Variants in NRCAM observed in about 807,000 individuals in gnomAD.
NRCAM encodes the protein NgCAM-related cell adhesion molecule.
In NRCAM, 83 loss-of-function variants were observed where a neutral mutation model predicts 156.5. That is an observed-to-expected ratio of 0.53 (90% CI 0.44 to 0.64). The LOEUF (loss-of-function observed/expected upper bound fraction) is 0.64. NRCAM is among the 30% of genes least tolerant of loss of function. NRCAM has a pLI of 0.00. For synonymous variants in NRCAM, 538 were observed against 563.9 expected (o/e 0.95, Z 0.65); for missense variants, 1,417 against 1,597.3 (o/e 0.89, Z 1.92).
rs6466223 is a variant in NRCAM, at chr7:108,388,831, G to A, written c.-174+10605C>T. 1.7e-3 allele frequency among the ~76,000 whole-genome samples: 254 copies of A among 152,114 alleles called. 2 individuals carry two copies. Among genetic ancestry groups the A allele is most frequent in the South Asian group, 0.015 (73 of 4,820 alleles). On this transcript the variant is annotated intron_variant, in intron 2 of 32. Coordinates refer to ENST00000379028, the MANE Select transcript of NRCAM (RefSeq NM_001037132.4). ...TTAAATAGGGAATCCTTTCCCCATT[G>A]CTTGTTTTTGTCAGGTTTGTCAAAG...
intron 3 of NRCAM, among the ~76,000 whole-genome samples, chr7:108,289,343 A>C (rs1465583736): frequency 6.6e-6 from 1 of 152,192 alleles, no homozygotes; most frequent in Non-Finnish European, 1.5e-5. Flanking sequence ...TGGCTAAATC[A>C]AGCAAATTAA....
chr7:108,221,083 C>G (rs184957263), intron 11 of NRCAM, among the ~76,000 whole-genome samples: 4 of 152,084 alleles, frequency 2.6e-5, no homozygotes, highest in African/African-American at 9.7e-5. Flanking sequence ...AAATGGCCAA[C>G]AAACATGAAA....
intron 22 of NRCAM, among the ~76,000 whole-genome samples, chr7:108,183,412 C>CTATA (rs1001088587): frequency 1.3e-5 from 2 of 151,874 alleles, no homozygotes; most frequent in Non-Finnish European, 2.9e-5. Flanking sequence ...ATGTATGGCT[C>CTATA]TAAAATAGGT....
At chr7:108,172,019 G>A (rs147498569) in intron 28 of NRCAM, among the ~76,000 whole-genome samples, 224 of 152,332 alleles carry the variant, frequency 1.5e-3, no homozygotes, top group South Asian at 4.1e-3. Flanking sequence ...GTTGACCATA[G>A]TAGGCTGCAA....
chr7:108,214,144 T>C (rs913569150), intron 11 of NRCAM, among the ~76,000 whole-genome samples: 9 of 152,214 alleles, frequency 5.9e-5, no homozygotes, highest in African/African-American at 1.9e-4. Context: ...TCTTTTTCTG[T>C]TGCTTGGAAT....
At chr7:108,177,966 C>T in intron 26 of NRCAM, 24 bp downstream of exon 26, 2 of 1,570,060 alleles carry the variant, frequency 1.3e-6, no homozygotes, top group Non-Finnish European at 1.7e-6. Context: ...CATATTTCCC[C>T]TTCTCTTCCT....
Position 108,255,724 on chromosome 7 carries a change from G to A in NRCAM, c.-106-15554C>T, listed in dbSNP as rs10253018. ...CTGCCCCATCTGGGATGTGAGGAGC[G>A]CCTCTGCCCGGCCACGACCCCGTCT... On this transcript the variant is annotated intron_variant, in intron 3 of 32. Coordinates refer to ENST00000379028, the MANE Select transcript of NRCAM (RefSeq NM_001037132.4). Among the ~76,000 whole-genome samples, 1,031 of 149,916 alleles carry A rather than the reference G, an allele frequency of 6.9e-3. 11 individuals carry two copies. Among genetic ancestry groups the A allele is most frequent in the African/African-American group, 0.024 (969 of 40,204 alleles).
At chr7:108,420,457 G>T (rs1362343094) in intron 1 of NRCAM, among the ~76,000 whole-genome samples, 1 of 152,130 alleles carries the variant, frequency 6.6e-6, no homozygotes, top group Non-Finnish European at 1.5e-5. Context: ...ATAAATAGGC[G>T]AATAGATTCT....
chr7:108,368,226 C>T (rs1449984245), intron 2 of NRCAM, among the ~76,000 whole-genome samples: 1 of 92,302 alleles, frequency 1.1e-5, no homozygotes, highest in Admixed American at 1.2e-4. Context: ...ACTTTCATAC[C>T]CCCCCCCACC....
At chr7:108,217,434 A>G (rs1301421316) in intron 11 of NRCAM, among the ~76,000 whole-genome samples, 1 of 152,218 alleles carries the variant, frequency 6.6e-6, no homozygotes, top group Non-Finnish European at 1.5e-5. Flanking sequence ...CTCCCTTAGC[A>G]GAGCTCGAGC....
intron 3 of NRCAM, among the ~76,000 whole-genome samples, chr7:108,267,504 G>C (rs533437685): frequency 5.3e-5 from 8 of 152,140 alleles, no homozygotes; most frequent in African/African-American, 1.9e-4. Context: ...TTGATTACAC[G>C]TGTCCGTATA....
chr7:108,268,561 T>C (rs1371441618), intron 3 of NRCAM, among the ~76,000 whole-genome samples: 2 of 132,002 alleles, frequency 1.5e-5, no homozygotes, highest in Admixed American at 1.8e-4. Flanking sequence ...TGATAGTGTC[T>C]ACAATTCCCC....
At chr7:108,368,107 T>G (rs925082363) in intron 2 of NRCAM, among the ~76,000 whole-genome samples, 1 of 152,062 alleles carries the variant, frequency 6.6e-6, no homozygotes, top group Non-Finnish European at 1.5e-5. Flanking sequence ...CTAATAGGAT[T>G]GTTATTTTTA....
At chr7:108,418,558 TATACAC>T (rs1455287334) in intron 1 of NRCAM, among the ~76,000 whole-genome samples, 4 of 95,146 alleles carry the variant, frequency 4.2e-5, no homozygotes, top group Non-Finnish European at 8.2e-5. Flanking sequence ...GTATACATAT[TATACAC>T]ACACACACAC....
intron 32 of NRCAM, among the ~76,000 whole-genome samples, chr7:108,155,705 C>A (rs17155074): frequency 0.16 from 24,189 of 151,964 alleles, 2,564 homozygotes; most frequent in African/African-American, 0.31. Flanking sequence ...TGAATATTCC[C>A]AAGGCCTGGC....
chr7:108,286,923 G>A lies in NRCAM; in HGVS notation c.-107+25742C>T, dbSNP rs112273238. Among the ~76,000 whole-genome samples, 53 of 152,158 alleles carry A rather than the reference G, an allele frequency of 3.5e-4. 1 individual carries two copies. The highest frequency in any genetic ancestry group is 5.4e-4 in the Non-Finnish European group (37 of 67,976). ...TAAACGGGTAATTTTTATAAGGCAC[G>A]TGAAAGAGGTTTGTTTATTCAAGCT... On this transcript the variant is annotated intron_variant, in intron 3 of 32. Coordinates refer to ENST00000379028, the MANE Select transcript of NRCAM (RefSeq NM_001037132.4).
intron 1 of NRCAM, among the ~76,000 whole-genome samples, chr7:108,455,461 C>T (rs1855911116): frequency 1.3e-5 from 2 of 152,126 alleles, no homozygotes; most frequent in South Asian, 4.1e-4. Flanking sequence ...CCAGGCAGCC[C>T]CCAGCCCGGT....
chr7:108,378,202 G>T (rs1390938751), intron 2 of NRCAM, among the ~76,000 whole-genome samples: 1 of 152,092 alleles, frequency 6.6e-6, no homozygotes, highest in Non-Finnish European at 1.5e-5. Flanking sequence ...AATTAAGTGT[G>T]CTATTAAAAG....
At chr7:108,303,186 T>C (rs965292528) in intron 3 of NRCAM, among the ~76,000 whole-genome samples, 10 of 152,140 alleles carry the variant, frequency 6.6e-5, no homozygotes, top group African/African-American at 1.7e-4. Flanking sequence ...GGTCTTGAAC[T>C]CCTGACCTCA....
Sources: gnomAD v4.1 joint callset for allele counts (sites outside exome capture counted in the v4.1 genomes callset) on GRCh38, gnomAD v4.1.1 for gene constraint, MANE v1.5 for transcripts, NCBI Gene and HGNC (gene_info 2026-07-23, HGNC 2026-07-21) for gene names.